Variants in RORA observed in about 807,000 individuals in gnomAD.
The protein encoded by RORA is RAR related orphan receptor A, also known as nuclear receptor ROR-alpha.
A neutral mutation model predicts 69.5 loss-of-function variants in RORA; 7 were observed. That is an observed-to-expected ratio of 0.10 (90% CI 0.06 to 0.19). RORA has a LOEUF of 0.19. RORA is among the 10% of genes least tolerant of loss of function. The pLI is 1.00. For synonymous variants in RORA, 261 were observed against 240.8 expected (o/e 1.08, Z -0.78); for missense variants, 457 against 663.0 (o/e 0.69, Z 3.41).
At chr15:61,042,319 G>C (rs1419192777) in intron 1 of RORA, among the ~76,000 whole-genome samples, 1 of 152,098 alleles carries the variant, frequency 6.6e-6, no homozygotes, top group Non-Finnish European at 1.5e-5. Context: ...GACAACAGTG[G>C]TAACCTGGAA....
chr15:60,755,170 T>TTC (rs1382064672), intron 1 of RORA, among the ~76,000 whole-genome samples: 1 of 130,174 alleles, frequency 7.7e-6, no homozygotes, highest in African/African-American at 2.9e-5. Context: ...GTGTGTGATG[T>TTC]TCCCCTTCCT....
rs139789695 is a variant in RORA at position 60,574,672 on chromosome 15, T to C, written c.197-42821A>G. 3.0e-3 allele frequency among the ~76,000 whole-genome samples: 461 copies of C among 152,320 alleles called. 2 individuals are homozygous for C. Among genetic ancestry groups the C allele is most frequent in the African/African-American group, 9.5e-3 (394 of 41,584 alleles). On this transcript the variant is annotated intron_variant, in intron 2 of 10. Coordinates refer to ENST00000335670, the MANE Select transcript of RORA (RefSeq NM_134261.3). ...CTAAGTGCTTGTCACATGTGAGACATTGCATTAAGTACCTTCCATGTGTTA... is the reference window on the plus strand; with the variant it reads ...CTAAGTGCTTGTCACATGTGAGACACTGCATTAAGTACCTTCCATGTGTTA...
intron 1 of RORA, among the ~76,000 whole-genome samples, chr15:60,810,674 T>C (rs1486918986): frequency 1.3e-5 from 2 of 151,960 alleles, no homozygotes; most frequent in Non-Finnish European, 2.9e-5. Flanking sequence ...TCTACTTATC[T>C]TTCTGTGTTT....
chr15:60,600,506 T>C (rs983277154), intron 2 of RORA, among the ~76,000 whole-genome samples: 2 of 152,226 alleles, frequency 1.3e-5, no homozygotes, highest in African/African-American at 4.8e-5. Context: ...GTCTATTCTC[T>C]GCTCTCAGAA....
intron 1 of RORA, among the ~76,000 whole-genome samples, chr15:60,724,089 T>G (rs538247818): frequency 6.6e-6 from 1 of 152,334 alleles, no homozygotes; most frequent in East Asian, 1.9e-4. Context: ...CTTTGTTTTC[T>G]TTCCACCCGG....
chr15:60,801,756 C>T (rs766484891), intron 1 of RORA, among the ~76,000 whole-genome samples: 1 of 152,102 alleles, frequency 6.6e-6, no homozygotes, highest in Non-Finnish European at 1.5e-5. Flanking sequence ...TGTGGTTGTT[C>T]GTGGGCTTTT....
chr15:60,919,316 A>G (rs1174226512), intron 1 of RORA, among the ~76,000 whole-genome samples: 1 of 152,204 alleles, frequency 6.6e-6, no homozygotes, highest in Admixed American at 6.5e-5. Context: ...CCCTCGTTTA[A>G]TAGAGGAGAA....
chr15:60,626,685 G>T (rs1826128610), intron 2 of RORA, among the ~76,000 whole-genome samples: 1 of 152,078 alleles, frequency 6.6e-6, no homozygotes, highest in African/African-American at 2.4e-5. Context: ...ACCAGAGTGG[G>T]TGGGCCGCAC....
At chr15:60,597,565 TATATATATACAC>T (rs1222722551) in intron 2 of RORA, among the ~76,000 whole-genome samples, 12 of 33,012 alleles carry the variant, frequency 3.6e-4, no homozygotes, top group African/African-American at 9.0e-4. Context: ...TATATATATA[TATATATATACAC>T]ATATATATAT....
intron 1 of RORA, among the ~76,000 whole-genome samples, chr15:60,728,733 T>C (rs1471126687): frequency 2.0e-5 from 3 of 152,204 alleles, no homozygotes. Context: ...CAAGTGCTAT[T>C]CATTTCTCAA....
chr15:60,524,864 G>C (rs1441078060), intron 3 of RORA, among the ~76,000 whole-genome samples: 1 of 152,220 alleles, frequency 6.6e-6, no homozygotes, highest in East Asian at 1.9e-4. Flanking sequence ...GTAGGGATAT[G>C]TATATCTGCT....
At chr15:61,228,988 G>A in intron 1 of RORA, 65 bp downstream of exon 1, 2 of 934,224 alleles carry the variant, frequency 2.1e-6, no homozygotes, top group South Asian at 9.3e-5. Context: ...GCCCGCTCCC[G>A]GCCGCCCCCC....
intron 2 of RORA, among the ~76,000 whole-genome samples, chr15:60,656,910 G>A (rs2070229739): frequency 6.6e-6 from 1 of 152,114 alleles, no homozygotes. Flanking sequence ...CCGTGGTTTG[G>A]GACCCAACTA....
intron 1 of RORA, among the ~76,000 whole-genome samples, chr15:61,063,445 T>C (rs976579870): frequency 7.9e-5 from 12 of 152,238 alleles, no homozygotes; most frequent in African/African-American, 2.4e-4. Context: ...TCTTTCATTA[T>C]CTAAATGTGA....
At chr15:61,054,839 T>C (rs1022059154) in intron 1 of RORA, among the ~76,000 whole-genome samples, 52 of 151,240 alleles carry the variant, frequency 3.4e-4, no homozygotes, top group Middle Eastern at 6.8e-3. Context: ...TTTTTTTTTT[T>C]TGGTGGGGGA....
At chr15:61,176,844 T>C (rs2079633479) in intron 1 of RORA, among the ~76,000 whole-genome samples, 2 of 152,190 alleles carry the variant, frequency 1.3e-5, no homozygotes, top group Admixed American at 1.3e-4. Context: ...AATTACGGCA[T>C]TTATACACTA....
chr15:61,095,128 T>TA (rs1299376302), intron 1 of RORA, among the ~76,000 whole-genome samples: 2 of 152,188 alleles, frequency 1.3e-5, no homozygotes, highest in Non-Finnish European at 2.9e-5. Context: ...TGTAAAGCTG[T>TA]AATCAGGGAA....
chr15:60,851,019 T>C (rs1318899735), intron 1 of RORA, among the ~76,000 whole-genome samples: 1 of 152,086 alleles, frequency 6.6e-6, no homozygotes, highest in Non-Finnish European at 1.5e-5. Context: ...TGTTGCTGAG[T>C]GAGTGGGTGT....
chr15:60,516,035 A>T (rs1322404320), intron 3 of RORA, among the ~76,000 whole-genome samples: 7 of 10,018 alleles, frequency 7.0e-4, no homozygotes, highest in Non-Finnish European at 1.3e-3. Context: ...ATATTTATAT[A>T]TATTTATATA....
Sources: allele counts gnomAD v4.1 joint callset (sites outside exome capture counted in the v4.1 genomes callset), GRCh38; gene constraint gnomAD v4.1.1; transcripts MANE v1.5; gene names NCBI Gene and HGNC (gene_info 2026-07-23, HGNC 2026-07-21).